PRKRIP1: variants seen among roughly 807,000 people sequenced by gnomAD.
PRKRIP1 encodes PRKR interacting protein 1.
A neutral mutation model predicts 29.3 loss-of-function variants in PRKRIP1; 29 were observed. The ratio of observed to expected loss-of-function variants is 0.99; its 90% CI spans 0.74 to 1.35. The LOEUF (loss-of-function observed/expected upper bound fraction) is 1.35, where lower values mean the gene tolerates loss of function less well. Among genes scored for constraint, PRKRIP1 ranks in the 40% most tolerant of loss-of-function variants. The pLI, the probability that PRKRIP1 is intolerant of heterozygous loss-of-function variation, is 0.00. For synonymous variants in PRKRIP1, 90 were observed against 85.1 expected, an observed-to-expected ratio of 1.06 and a Z score of -0.32; for missense variants, 247 against 236.8, an observed-to-expected ratio of 1.04 and a Z score of -0.28.
At chr7:102,420,542 G>GT (rs1234505915) in intron 5 of PRKRIP1, among the ~76,000 whole-genome samples, 3 of 152,268 alleles carry the variant, frequency 2.0e-5, no homozygotes, top group African/African-American at 7.2e-5. Flanking sequence ...TTATGTATTT[G>GT]TTATGTTGAA....
chr7:102,401,345 A>G (rs981090382), intron 3 of PRKRIP1, among the ~76,000 whole-genome samples: 4 of 152,216 alleles, frequency 2.6e-5, no homozygotes, highest in Non-Finnish European at 5.9e-5. Context: ...TTCAAAATAA[A>G]ACATTAGGGA....
At chr7:102,419,572 AC>A (rs1796637482) in intron 5 of PRKRIP1, among the ~76,000 whole-genome samples, 1 of 151,810 alleles carries the variant, frequency 6.6e-6, no homozygotes, top group African/African-American at 2.4e-5. Flanking sequence ...CCTCCTCCCA[AC>A]CCCCAGCCCC....
rs372107242 is a variant in PRKRIP1 at position 102,396,494 on chromosome 7, C to T, written c.83C>T (p.Ala28Val). ...PQTLVIPKNA[A>V]EEQKLKLERL... ...ACGCTCGTCATCCCCAAGAATGCGG[C>T]GGAGGAGCAGAAGCTCAAGCTGGAG... is the stretch of plus-strand genomic sequence containing the variant. The change falls in exon 1 of 6, where the codon GCG becomes GTG. Residue 28 changes from alanine (A) to valine (V), a missense_variant. Physicochemically the swap from Ala to Val is moderately conservative, Grantham distance 64. Around this residue, in one of 3 missense-constraint regions of PRKRIP1, gnomAD observed 105 missense variants for 80.2 expected, o/e 1.31. Transcript: ENST00000397912. 1.6e-5 allele frequency: 25 copies of T among 1,609,672 alleles called. No homozygotes were observed. Among genetic ancestry groups the T allele is most frequent in the East Asian group, 1.1e-4 (5 of 44,430 alleles).
At position 102,426,601 on chromosome 7, in the gene PRKRIP1, A is replaced by G. The variant is rs1796836510; in HGVS notation, c.*1490A>G. ...CCCTTCATCGGTTCATGTCACAGGG[A>G]TTTTCTTTCCCAGGAAGCGGACACG... is the stretch of plus-strand genomic sequence containing the variant. On this transcript the variant is annotated 3_prime_UTR_variant, in exon 6 of 6. Coordinates refer to ENST00000397912, the MANE Select transcript of PRKRIP1 (RefSeq NM_024653.4). The G allele has an allele frequency of 6.6e-6, 1 of 152,660 alleles. No homozygotes were observed. The highest frequency in any genetic ancestry group is 2.4e-5 in the African/African-American group (1 of 41,388). 9.5% of individuals were successfully genotyped at this position (152,660 alleles called of 1,614,324 possible). A position where few individuals can be genotyped will look rare whatever the true frequency, so the allele number is the denominator to read the frequency against.
In PRKRIP1 at chr7:102,425,243, G is replaced by A. The variant is rs570938298; in HGVS notation, c.*132G>A. On this transcript the variant is annotated 3_prime_UTR_variant, in exon 6 of 6. Coordinates refer to ENST00000397912, the MANE Select transcript of PRKRIP1 (RefSeq NM_024653.4). ...ATGGAGAGCAAAGGAGACCCCTCCC[G>A]AGCCGCTCACAGTCCTGTATTTGGC... 20 of 1,513,154 alleles carry A rather than the reference G, an allele frequency of 1.3e-5. No individual in the cohort carries two copies. Among genetic ancestry groups the A allele is most frequent in the African/African-American group, 4.2e-5 (3 of 71,972 alleles). 93.7% of individuals were successfully genotyped at this position (1,513,154 alleles called of 1,614,324 possible).
At position 102,425,083 on chromosome 7, in the gene PRKRIP1, AAGTGCCC is replaced by A. The variant is rs1332179026; in HGVS notation, c.531_537del (p.Pro178SerfsTer98). On this transcript the variant is annotated frameshift_variant, in exon 6 of 6. Transcript: ENST00000397912. LOFTEE classifies it high-confidence loss of function. ...GCATCTGGAACAGAGGAGGAGGAGG[AAGTGCCC>A]AGTTTCACCATGGGGCGATGACAAT... 6.2e-7 allele frequency: 1 copy of A among 1,613,130 alleles called. No homozygotes were observed. The highest frequency in any genetic ancestry group is 1.7e-5 in the Admixed American group (1 of 59,946).
At chr7:102,413,919 A>G (rs1352897570) in intron 5 of PRKRIP1, among the ~76,000 whole-genome samples, 2 of 152,068 alleles carry the variant, frequency 1.3e-5, no homozygotes, top group Non-Finnish European at 2.9e-5. Context: ...TAATATATAA[A>G]CAGTAGTAGA....
At chr7:102,407,975 T>C (rs1444072265) in intron 5 of PRKRIP1, among the ~76,000 whole-genome samples, 1 of 152,180 alleles carries the variant, frequency 6.6e-6, no homozygotes, top group Non-Finnish European at 1.5e-5. Flanking sequence ...AAGAATGCTT[T>C]TGGCTACAAG....
intron 3 of PRKRIP1, among the ~76,000 whole-genome samples, chr7:102,402,709 G>A (rs1277452237): frequency 6.6e-6 from 1 of 152,048 alleles, no homozygotes; most frequent in Non-Finnish European, 1.5e-5. Flanking sequence ...TTAAAAAAAA[G>A]GCAAGCACGT....
intron 5 of PRKRIP1, among the ~76,000 whole-genome samples, chr7:102,408,096 C>A (rs1173193547): frequency 1.3e-5 from 2 of 152,138 alleles, no homozygotes; most frequent in African/African-American, 4.8e-5. Context: ...TGTAGGCTGG[C>A]TCCCCCGCAC....
chr7:102,406,348 G>T (rs186371270), intron 4 of PRKRIP1, among the ~76,000 whole-genome samples: 1 of 152,130 alleles, frequency 6.6e-6, no homozygotes, highest in African/African-American at 2.4e-5. Context: ...GCTGGTTGTC[G>T]CAGGTGTCAT....
chr7:102,397,187 C>T (rs1311237396), intron 1 of PRKRIP1, among the ~76,000 whole-genome samples: 2 of 152,136 alleles, frequency 1.3e-5, no homozygotes, highest in Non-Finnish European at 2.9e-5. Flanking sequence ...ACAAAATCAG[C>T]TCTGTGTCCA....
At chr7:102,414,523 C>T (rs1554572857) in intron 5 of PRKRIP1, among the ~76,000 whole-genome samples, 2 of 152,142 alleles carry the variant, frequency 1.3e-5, no homozygotes, top group Non-Finnish European at 2.9e-5. Context: ...TAGATTGATT[C>T]CAGTACTTGT....
rs1293908668 is a variant in PRKRIP1 at position 102,403,313 on chromosome 7, G to T, written c.307-1285G>T. 5.3e-5 allele frequency among the ~76,000 whole-genome samples: 8 copies of T among 152,182 alleles called. No homozygotes were observed. The East Asian group carries it at 1.3e-3, about 26-fold the overall frequency. On this transcript the variant is annotated intron_variant, in intron 3 of 5. Transcript: ENST00000397912. ...TGCCCTCAGAGAGAGGGCTTGTTTG[G>T]TTTGGTTTCTGTGCCACTGTAAGCA...
chr7:102,421,723 G>A (rs1381888736), intron 5 of PRKRIP1, among the ~76,000 whole-genome samples: 2 of 152,012 alleles, frequency 1.3e-5, no homozygotes, highest in African/African-American at 2.4e-5. Context: ...CTTGAACCCA[G>A]GAGGCAGAGG....
At position 102,425,179 on chromosome 7, in the gene PRKRIP1, T is replaced by A; in HGVS notation, c.*68T>A. On this transcript the variant is annotated 3_prime_UTR_variant, in exon 6 of 6. Transcript: ENST00000397912. Reference sequence around the variant, plus strand: ...TGACCAGAAGGGAAAGGCGGCTGTTTGGCTCTTTCTCCCCCGCAAGGACCC... The same window carrying A: ...TGACCAGAAGGGAAAGGCGGCTGTTAGGCTCTTTCTCCCCCGCAAGGACCC... The A allele has an allele frequency of 1.3e-6, 2 of 1,551,958 alleles. No individual in the cohort carries two copies. The highest frequency in any genetic ancestry group is 1.7e-6 in the Non-Finnish European group (2 of 1,153,860).
intron 1 of PRKRIP1, among the ~76,000 whole-genome samples, chr7:102,397,251 G>T (rs1242257015): frequency 6.6e-6 from 1 of 152,180 alleles, no homozygotes; most frequent in Non-Finnish European, 1.5e-5. Flanking sequence ...GGTCTTAAGA[G>T]ATGTAACTTG....
In PRKRIP1 at chr7:102,396,410, C is replaced by T. The variant is rs1554570307; in HGVS notation, c.-2C>T. 15 of 1,563,036 alleles carry T rather than the reference C, an allele frequency of 9.6e-6. No homozygotes were observed. Among genetic ancestry groups the T allele is most frequent in the African/African-American group, 4.2e-5 (3 of 72,010 alleles). Reference sequence around the variant, plus strand: ...GCTCGCTTGTGAAACTGGAAGGCTGCCATGGCTAGCCCAGCCGCCTCCTCG... The same window carrying T: ...GCTCGCTTGTGAAACTGGAAGGCTGTCATGGCTAGCCCAGCCGCCTCCTCG... On this transcript the variant is annotated 5_prime_UTR_variant, in exon 1 of 6. Coordinates refer to ENST00000397912, the MANE Select transcript of PRKRIP1 (RefSeq NM_024653.4).
At chr7:102,412,202 A>G (rs902163630) in intron 5 of PRKRIP1, among the ~76,000 whole-genome samples, 1 of 152,210 alleles carries the variant, frequency 6.6e-6, no homozygotes, top group African/African-American at 2.4e-5. Context: ...TTAATACCCC[A>G]TGATTGTACA....
Sources: allele counts gnomAD v4.1 joint callset (sites outside exome capture counted in the v4.1 genomes callset), GRCh38; gene constraint gnomAD v4.1.1; regional missense constraint gnomAD v4.1.1; transcripts MANE v1.5; gene names NCBI Gene and HGNC (gene_info 2026-07-23, HGNC 2026-07-21).